SYTL2: variants seen among roughly 807,000 people sequenced by gnomAD.
SYTL2 encodes the protein synaptotagmin like 2.
In SYTL2, 165 loss-of-function variants were observed where a neutral mutation model predicts 198.7. The observed-to-expected ratio is 0.83, with a 90% CI of 0.73 to 0.94. The LOEUF (loss-of-function observed/expected upper bound fraction) is 0.94. Among genes scored for constraint, SYTL2 ranks in the 40% least tolerant of loss-of-function variants. The pLI is 0.00. For synonymous variants in SYTL2, 966 were observed against 917.7 expected, an observed-to-expected ratio of 1.05 and a Z score of -0.95; for missense variants, 2,835 against 2,582.8, an observed-to-expected ratio of 1.10 and a Z score of -2.12.
intron 1 of SYTL2, among the ~76,000 whole-genome samples, chr11:85,798,227 G>A (rs746916445): frequency 3.3e-5 from 5 of 151,966 alleles, no homozygotes; most frequent in African/African-American, 9.7e-5. Context: ...TCAAACAAAC[G>A]GATCATCACA....
chr11:85,789,340 G>GTGTATA (rs1280779293), intron 1 of SYTL2, among the ~76,000 whole-genome samples: 1 of 62,524 alleles, frequency 1.6e-5, no homozygotes, highest in South Asian at 6.4e-4. Flanking sequence ...GTGTGTGTGT[G>GTGTATA]TATATATATA....
chr11:85,804,643 G>C (rs998336669), intron 1 of SYTL2, among the ~76,000 whole-genome samples: 1 of 152,182 alleles, frequency 6.6e-6, no homozygotes, highest in African/African-American at 2.4e-5. Flanking sequence ...ATAAATGTCA[G>C]ACATCTTCAT....
In SYTL2 at chr11:85,696,549, A is replaced by G. The variant is rs533685145; in HGVS notation, c.6369-161T>C. On this transcript the variant is annotated intron_variant, in intron 18 of 19. Coordinates refer to ENST00000359152, the MANE Select transcript of SYTL2 (RefSeq NM_206927.4). ...GCAGACAGTGGGGTAGGGGGTAGGA[A>G]CACATCATGCTGAAAAGACTCTGGA... 10 of 635,388 alleles carry G rather than the reference A, an allele frequency of 1.6e-5. No homozygotes were observed. The African/African-American group carries it at 1.6e-4, about 10-fold the overall frequency. The allele number at this position is 635,388 out of a possible 1,614,324, so 39.4% of individuals were successfully genotyped here.
chr11:85,712,045 G>A (rs1346402337), intron 12 of SYTL2, among the ~76,000 whole-genome samples: 1 of 152,144 alleles, frequency 6.6e-6, no homozygotes, highest in Admixed American at 6.5e-5. Flanking sequence ...TTCAGAGTGA[G>A]CTCCTTTTAG....
Position 85,734,126 on chromosome 11 carries a change from A to C in SYTL2, c.1203T>G (p.Tyr401Ter). Residue 401 changes from tyrosine to a stop codon, truncating the protein, a stop_gained, in exon 7 of 20, where the codon TAT becomes TAG. Coordinates refer to ENST00000359152, the MANE Select transcript of SYTL2 (RefSeq NM_206927.4). LOFTEE classifies it high-confidence loss of function. ...SLFHQSTSSP[Y>*]VSKSETHQPM... ...GCTGATGTGTTTCACTTTTTGATACATATGGGCTTGAGGTTGATTGATGAA... is the reference window on the plus strand; with the variant it reads ...GCTGATGTGTTTCACTTTTTGATACCTATGGGCTTGAGGTTGATTGATGAA... 1 of 1,614,196 alleles carries C rather than the reference A, an allele frequency of 6.2e-7. No homozygotes were observed. The highest frequency in any genetic ancestry group is 8.5e-7 in the Non-Finnish European group (1 of 1,180,016).
At chr11:85,849,404 T>C in the SYTL2 span, among the ~76,000 whole-genome samples, 10 of 152,198 alleles carry the variant, frequency 6.6e-5, no homozygotes, top group African/African-American at 2.2e-4. Context: ...GGTTTTCTTC[T>C]AGGGTTTTTA....
chr11:85,826,959 C>T, the SYTL2 span, among the ~76,000 whole-genome samples: 3 of 152,322 alleles, frequency 2.0e-5, no homozygotes, highest in East Asian at 1.9e-4. Flanking sequence ...CACACCATAA[C>T]CCTGAGTGTT....
chr11:85,766,239 T>C (rs2092234995), intron 1 of SYTL2, among the ~76,000 whole-genome samples: 1 of 152,210 alleles, frequency 6.6e-6, no homozygotes, highest in Admixed American at 6.5e-5. Flanking sequence ...GAATTTTTCA[T>C]GCTTGCCAGT....
intron 1 of SYTL2, among the ~76,000 whole-genome samples, chr11:85,785,199 C>T (rs11234408): frequency 0.082 from 12,434 of 152,090 alleles, 733 homozygotes; most frequent in African/African-American, 0.16. Context: ...AATGAGGTCC[C>T]CTCTGTGGAA....
At chr11:85,759,940 A>G (rs537565743) in intron 1 of SYTL2, among the ~76,000 whole-genome samples, 1 of 152,242 alleles carries the variant, frequency 6.6e-6, no homozygotes, top group South Asian at 2.1e-4. Flanking sequence ...CTAACTCTTC[A>G]TTTCCTCCCT....
chr11:85,823,436 A>T, the SYTL2 span, among the ~76,000 whole-genome samples: 1 of 152,208 alleles, frequency 6.6e-6, no homozygotes, highest in Non-Finnish European at 1.5e-5. Context: ...CTACATTAAG[A>T]TCATTTACAA....
intron 1 of SYTL2, among the ~76,000 whole-genome samples, chr11:85,785,626 T>C (rs1450524937): frequency 6.6e-6 from 1 of 152,142 alleles, no homozygotes; most frequent in East Asian, 1.9e-4. Flanking sequence ...CTCAGGAGAA[T>C]TAAAGAAGGT....
chr11:85,801,143 A>G (rs2092880838), intron 1 of SYTL2, among the ~76,000 whole-genome samples: 1 of 152,208 alleles, frequency 6.6e-6, no homozygotes, highest in Non-Finnish European at 1.5e-5. Flanking sequence ...CCTCCCTCTA[A>G]GAAACTCAAC....
At chr11:85,739,311 A>C (rs1479686400) in intron 4 of SYTL2, among the ~76,000 whole-genome samples, 2 of 139,096 alleles carry the variant, frequency 1.4e-5, no homozygotes, top group Non-Finnish European at 3.0e-5. Context: ...GAGGCAGACT[A>C]TTCAGGTATT....
intron 4 of SYTL2, among the ~76,000 whole-genome samples, chr11:85,739,006 G>A (rs2090577732): frequency 6.6e-6 from 1 of 152,136 alleles, no homozygotes; most frequent in Non-Finnish European, 1.5e-5. Flanking sequence ...TCCTAGAGAT[G>A]AGGTCTCTCC....
the SYTL2 span, among the ~76,000 whole-genome samples, chr11:85,846,356 AAC>A: frequency 6.6e-6 from 1 of 152,192 alleles, no homozygotes. Context: ...AAGGAGAGGG[AAC>A]AGAGATGCCA....
At chr11:85,715,281 T>C (rs2086998976) in intron 11 of SYTL2, 1 of 152,138 alleles carries the variant, frequency 6.6e-6, no homozygotes. Flanking sequence ...TTTTCTTCTT[T>C]TTCTAAGAAT....
chr11:85,794,110 C>G (rs1247963647), intron 1 of SYTL2, among the ~76,000 whole-genome samples: 5 of 151,982 alleles, frequency 3.3e-5, no homozygotes, highest in African/African-American at 1.2e-4. Context: ...GCTCAAGCAA[C>G]TCTCCCACCT....
chr11:85,736,736 G>T (rs2090370896), intron 5 of SYTL2, 121 bp from the exon 6 acceptor site: 2 of 643,664 alleles, frequency 3.1e-6, no homozygotes, highest in Non-Finnish European at 5.4e-6. Flanking sequence ...TATTTGGCAT[G>T]TTTGAAAAAC....
Sources: gnomAD v4.1 joint callset for allele counts (sites outside exome capture counted in the v4.1 genomes callset) on GRCh38, gnomAD v4.1.1 for gene constraint, MANE v1.5 for transcripts, NCBI Gene and HGNC (gene_info 2026-07-23, HGNC 2026-07-21) for gene names.